Variants in CATSPER3 observed in about 807,000 individuals in gnomAD.
The protein encoded by CATSPER3 is cation channel sperm-associated protein 3.
A neutral mutation model predicts 36.6 loss-of-function variants in CATSPER3; 23 were observed. That is an observed-to-expected ratio of 0.63 (90% CI 0.45 to 0.89). CATSPER3 has a LOEUF of 0.89. CATSPER3 is among the 40% of genes least tolerant of loss of function. The pLI, the probability that CATSPER3 is intolerant of heterozygous loss-of-function variation, is 0.00. For synonymous variants in CATSPER3, 172 were observed against 184.1 expected (o/e 0.93, Z 0.53); for missense variants, 474 against 503.9 (o/e 0.94, Z 0.57).
intron 2 of CATSPER3, among the ~76,000 whole-genome samples, chr5:134,975,635 T>C (rs553805644): frequency 6.6e-6 from 1 of 152,196 alleles, no homozygotes; most frequent in East Asian, 1.9e-4. Context: ...AACAAATAAA[T>C]GCTGGTGAGG....
chr5:134,985,936 C>A (rs1001143629), intron 2 of CATSPER3, among the ~76,000 whole-genome samples: 2 of 151,554 alleles, frequency 1.3e-5, no homozygotes, highest in African/African-American at 4.9e-5. Context: ...AAACAAAAAA[C>A]AATTGAAATT....
chr5:134,988,417 T>G lies in CATSPER3; in HGVS notation c.253-7856T>G, dbSNP rs150620462. 3.8e-4 allele frequency among the ~76,000 whole-genome samples: 58 copies of G among 152,342 alleles called. No homozygotes were observed. In the East Asian group the frequency reaches 7.7e-3, roughly 20 times the overall value. ...GCAAGTAATGCTGTTTGTTGAAATA[T>G]TACCCACAGTAGAACTTCTTTCAAA... On this transcript the variant is annotated intron_variant, in intron 2 of 7. Transcript: ENST00000282611.
chr5:134,991,112 A>G (rs752220780), intron 2 of CATSPER3, among the ~76,000 whole-genome samples: 14 of 152,244 alleles, frequency 9.2e-5, no homozygotes, highest in Non-Finnish European at 1.6e-4. Flanking sequence ...ACTGAAAACT[A>G]TAAAACATTG....
intron 2 of CATSPER3, among the ~76,000 whole-genome samples, chr5:134,970,602 C>T (rs969611588): frequency 3.7e-5 from 5 of 136,860 alleles, no homozygotes; most frequent in African/African-American, 5.5e-5. Context: ...GACAGAGTCT[C>T]GCCCTGTTGC....
chr5:134,997,686 T>G (rs1191966595), intron 3 of CATSPER3, among the ~76,000 whole-genome samples: 1 of 152,226 alleles, frequency 6.6e-6, no homozygotes, highest in Non-Finnish European at 1.5e-5. Flanking sequence ...TTTCTCGGGA[T>G]GGTCCCTGAG....
At chr5:134,973,014 A>T (rs984009918) in intron 2 of CATSPER3, among the ~76,000 whole-genome samples, 2 of 152,210 alleles carry the variant, frequency 1.3e-5, no homozygotes, top group African/African-American at 4.8e-5. Context: ...AAGAAAATGT[A>T]AACCAAGAAT....
At chr5:135,006,618 C>G (rs1347571271) in intron 3 of CATSPER3, among the ~76,000 whole-genome samples, 1 of 151,914 alleles carries the variant, frequency 6.6e-6, no homozygotes, top group Non-Finnish European at 1.5e-5. Flanking sequence ...GGGTGGATCA[C>G]GAGGTCGGGA....
At chr5:134,986,355 G>T (rs1400182237) in intron 2 of CATSPER3, among the ~76,000 whole-genome samples, 12 of 151,868 alleles carry the variant, frequency 7.9e-5, no homozygotes, top group Non-Finnish European at 5.9e-5. Context: ...TGTTGGTCAG[G>T]CTGGTCTCGA....
intron 6 of CATSPER3, among the ~76,000 whole-genome samples, chr5:135,010,162 C>G (rs562569157): frequency 6.6e-6 from 1 of 152,158 alleles, no homozygotes; most frequent in African/African-American, 2.4e-5. Flanking sequence ...CTCAGTTGGA[C>G]TTCATGTGCT....
At chr5:135,008,226 A>G in intron 4 of CATSPER3, 87 bp downstream of exon 4, 1 of 1,111,266 alleles carries the variant, frequency 9.0e-7, no homozygotes, top group Non-Finnish European at 1.4e-6. Flanking sequence ...GTGGGGCCTC[A>G]CATGGGGCTT....
chr5:134,970,974 A>C (rs1751598303), intron 2 of CATSPER3, among the ~76,000 whole-genome samples: 1 of 151,304 alleles, frequency 6.6e-6, no homozygotes. Flanking sequence ...TTTTGAGACG[A>C]AGTCTCGCTC....
intron 2 of CATSPER3, among the ~76,000 whole-genome samples, chr5:134,978,359 A>T (rs747012516): frequency 6.6e-6 from 1 of 152,186 alleles, no homozygotes; most frequent in African/African-American, 2.4e-5. Context: ...TATGCTGATT[A>T]CCCTGATTTG....
At chr5:134,991,561 C>T (rs902148317) in intron 2 of CATSPER3, among the ~76,000 whole-genome samples, 1 of 152,126 alleles carries the variant, frequency 6.6e-6, no homozygotes, top group South Asian at 2.1e-4. Context: ...GTAGTCTCTT[C>T]AACAAATAGT....
intron 2 of CATSPER3, among the ~76,000 whole-genome samples, chr5:134,993,357 T>G (rs952743257): frequency 6.6e-6 from 1 of 152,252 alleles, no homozygotes; most frequent in African/African-American, 2.4e-5. Context: ...CCATTTGGGA[T>G]GATGAAATCC....
chr5:134,977,868 G>C (rs1184709638), intron 2 of CATSPER3, among the ~76,000 whole-genome samples: 1 of 152,174 alleles, frequency 6.6e-6, no homozygotes, highest in Non-Finnish European at 1.5e-5. Context: ...ACATGGTAGA[G>C]GGCAAAGGGG....
At chr5:135,003,723 A>G (rs1752050070) in intron 3 of CATSPER3, among the ~76,000 whole-genome samples, 1 of 152,246 alleles carries the variant, frequency 6.6e-6, no homozygotes, top group Non-Finnish European at 1.5e-5. Context: ...GCAATAAGCA[A>G]GTCTCCGTGA....
chr5:134,977,783 T>C (rs1161653837), intron 2 of CATSPER3, among the ~76,000 whole-genome samples: 1 of 152,192 alleles, frequency 6.6e-6, no homozygotes, highest in Non-Finnish European at 1.5e-5. Context: ...AGGTTATATT[T>C]TGGCTCATGG....
Position 134,970,186 on chromosome 5 carries a change from A to G in CATSPER3, c.252+94A>G. On this transcript the variant is annotated intron_variant, in intron 2 of 7. Coordinates refer to ENST00000282611, the MANE Select transcript of CATSPER3 (RefSeq NM_178019.3). The stretch of plus-strand genomic sequence containing the variant: ...GATTTTTTTTTTTTTCCGAGACAGA[A>G]TCTCACTCTGTCAGGCTGGAGTGCA... 5 of 1,230,526 alleles carry G rather than the reference A, an allele frequency of 4.1e-6. No individual in the cohort carries two copies. The South Asian group carries it at 5.0e-5, about 12-fold the overall frequency. The allele number at this position is 1,230,526 out of a possible 1,614,324, so 76.2% of individuals were successfully genotyped here. A position where few individuals can be genotyped will look rare whatever the true frequency, so the allele number is the denominator to read the frequency against.
At position 135,004,004 on chromosome 5, in the gene CATSPER3, C is replaced by T. The variant is rs186336296; in HGVS notation, c.493-3953C>T. On this transcript the variant is annotated intron_variant, in intron 3 of 7. Coordinates refer to ENST00000282611, the MANE Select transcript of CATSPER3 (RefSeq NM_178019.3). ...AGCCCCAGTGAGATGAACTCAGTAC[C>T]TCAGTTGGAAATGCAGAAATTACCC... 2.5e-3 allele frequency among the ~76,000 whole-genome samples: 387 copies of T among 152,368 alleles called. 3 individuals carry two copies. Among genetic ancestry groups the T allele is most frequent in the African/African-American group, 9.0e-3 (375 of 41,588 alleles).
Sources: gnomAD v4.1 joint callset for allele counts (sites outside exome capture counted in the v4.1 genomes callset) on GRCh38, gnomAD v4.1.1 for gene constraint, MANE v1.5 for transcripts, NCBI Gene and HGNC (gene_info 2026-07-23, HGNC 2026-07-21) for gene names.